Variants in CCDC15 observed in about 807,000 individuals in gnomAD.
The protein encoded by CCDC15 is coiled-coil domain containing 15, also known as coiled-coil domain-containing protein 15.
CCDC15 carries 105 observed loss-of-function variants against 114.5 expected under a neutral mutation model. That is an observed-to-expected ratio of 0.92 (90% CI 0.78 to 1.08). CCDC15 has a LOEUF of 1.08. Ranked by LOEUF, CCDC15 falls within the 50% of genes least tolerant of loss-of-function variation. The pLI is 0.00. For missense variants in CCDC15, 1,105 were observed against 1,093.6 expected (o/e 1.01, Z -0.15); for synonymous variants, 334 against 377.8 (o/e 0.88, Z 1.34).
intron 5 of CCDC15, 101 bp from the exon 6 acceptor site, chr11:124,977,377 C>T: frequency 1.7e-6 from 2 of 1,149,006 alleles, no homozygotes; most frequent in South Asian, 1.9e-5. Context: ...CTACCAAAAC[C>T]TACTAAGATA....
At chr11:125,000,174 T>C (rs1948454057) in intron 11 of CCDC15, among the ~76,000 whole-genome samples, 1 of 152,150 alleles carries the variant, frequency 6.6e-6, no homozygotes, top group African/African-American at 2.4e-5. Flanking sequence ...ATATTTCTAA[T>C]ATTGTATTTT....
intron 3 of CCDC15, 89 bp from the exon 4 acceptor site, chr11:124,959,726 T>TAAAAAAATAA: frequency 1.8e-6 from 1 of 541,876 alleles, no homozygotes; most frequent in Non-Finnish European, 2.8e-6. Flanking sequence ...CCACCCCAAT[T>TAAAAAAATAA]TAAAATCTTC....
chr11:124,987,665 T>TA lies in CCDC15; in HGVS notation c.1440dup (p.Ser481IlefsTer2). On this transcript the variant is annotated frameshift_variant, in exon 8 of 16. Coordinates refer to ENST00000344762, the MANE Select transcript of CCDC15 (RefSeq NM_025004.3). LOFTEE classifies it high-confidence loss of function. Reference sequence around the variant, plus strand: ...TTTCTACCTAAGGACCAGAATTTTTTATCTAGAGACCAGCATGTTCTCCCC... The same window carrying TA: ...TTTCTACCTAAGGACCAGAATTTTTTAATCTAGAGACCAGCATGTTCTCCCC... The TA allele has an allele frequency of 1.2e-6, 2 of 1,613,948 alleles. No homozygotes were observed. The highest frequency in any genetic ancestry group is 1.7e-6 in the Non-Finnish European group (2 of 1,179,872).
intron 11 of CCDC15, among the ~76,000 whole-genome samples, chr11:124,997,690 C>G (rs1164334759): frequency 6.6e-6 from 1 of 152,144 alleles, no homozygotes; most frequent in African/African-American, 2.4e-5. Flanking sequence ...GCCTATAATC[C>G]CAGCACTTTG....
intron 2 of CCDC15, among the ~76,000 whole-genome samples, chr11:124,958,286 A>G (rs1439038722): frequency 1.3e-5 from 2 of 152,170 alleles, no homozygotes; most frequent in Non-Finnish European, 2.9e-5. Flanking sequence ...GCCATGGGCC[A>G]CATGTGGCCC....
rs1006204350 is a variant in CCDC15, at chr11:124,967,928, A to C, written c.517-7168A>C. Reference sequence around the variant, plus strand: ...GTCTGTTGGAGTTTGCTGGAGGTCCACTCCAGATCCTGTTTGCCTGGGTAT... The same window carrying C: ...GTCTGTTGGAGTTTGCTGGAGGTCCCCTCCAGATCCTGTTTGCCTGGGTAT... On this transcript the variant is annotated intron_variant, in intron 4 of 15. Coordinates refer to ENST00000344762, the MANE Select transcript of CCDC15 (RefSeq NM_025004.3). Among the ~76,000 whole-genome samples, 4 of 152,070 alleles carry C rather than the reference A, an allele frequency of 2.6e-5. No individual in the cohort carries two copies. The East Asian group carries it at 7.7e-4, about 29-fold the overall frequency.
At chr11:125,025,047 T>TGA in intron 13 of CCDC15, among the ~76,000 whole-genome samples, 1 of 129,854 alleles carries the variant, frequency 7.7e-6, no homozygotes, top group Non-Finnish European at 1.6e-5. Context: ...TACATATGAA[T>TGA]ATATATGAAT....
Position 124,992,474 on chromosome 11 carries a change from C to G in CCDC15, c.2032-106C>G, listed in dbSNP as rs917954846. 1.4e-5 allele frequency: 9 copies of G among 663,554 alleles called. No homozygotes were observed. In the Admixed American group the frequency reaches 2.3e-4, roughly 17 times the overall value. 41.1% of individuals were successfully genotyped at this position (663,554 alleles called of 1,614,324 possible). ...ATCAAAACGTATCAGAATATTTTTA[C>G]CTGGTTTCATTTCTCTGGAGTTTTC... is the stretch of plus-strand genomic sequence containing the variant. On this transcript the variant is annotated intron_variant, in intron 9 of 15. Coordinates refer to ENST00000344762, the MANE Select transcript of CCDC15 (RefSeq NM_025004.3).
intron 13 of CCDC15, among the ~76,000 whole-genome samples, chr11:125,031,520 G>C (rs992728282): frequency 4.6e-5 from 7 of 152,186 alleles, no homozygotes; most frequent in African/African-American, 1.4e-4. Context: ...CCCACTTCAT[G>C]ATAGGCAGTT....
intron 13 of CCDC15, among the ~76,000 whole-genome samples, chr11:125,015,032 A>C (rs1207289455): frequency 1.3e-5 from 2 of 152,212 alleles, no homozygotes; most frequent in Non-Finnish European, 2.9e-5. Flanking sequence ...AAAAAATTAT[A>C]ATGGCAATTA....
rs1345528864 is a variant in CCDC15, at chr11:124,991,499, T to C, written c.1947T>C (p.Asp649=). 1 of 1,602,826 alleles carries C rather than the reference T, an allele frequency of 6.2e-7. No individual in the cohort carries two copies. Among genetic ancestry groups the C allele is most frequent in the Non-Finnish European group, 8.5e-7 (1 of 1,170,614 alleles). The change falls in exon 9 of 16, where the codon GAT becomes GAC. Residue 649 remains aspartate, a synonymous_variant. Transcript: ENST00000344762. ...AGGAGCCATACTCTGATATGACAGA[T>C]GAGAAAGGGAGAGAAGACTTTTCTC... ...HFKEPYSDMT[D]EKGREDFSLA...
intron 13 of CCDC15, among the ~76,000 whole-genome samples, chr11:125,036,255 T>G (rs561343204): frequency 2.4e-5 from 3 of 122,982 alleles, no homozygotes; most frequent in East Asian, 2.2e-4. Context: ...CATACTATTC[T>G]GCAATAAAAG....
chr11:124,982,938 T>C (rs889792488), intron 6 of CCDC15, among the ~76,000 whole-genome samples: 2 of 152,236 alleles, frequency 1.3e-5, no homozygotes, highest in Non-Finnish European at 2.9e-5. Context: ...CAATGAGTCA[T>C]AGATTTGGTC....
intron 6 of CCDC15, among the ~76,000 whole-genome samples, chr11:124,984,281 G>A (rs1280771693): frequency 5.9e-5 from 9 of 152,126 alleles, no homozygotes; most frequent in African/African-American, 2.2e-4. Flanking sequence ...GCTGGTTGGT[G>A]TGGTCTGCTG....
chr11:125,029,644 G>GCA (rs1948725388), intron 13 of CCDC15, among the ~76,000 whole-genome samples: 1 of 152,202 alleles, frequency 6.6e-6, no homozygotes, highest in African/African-American at 2.4e-5. Context: ...TGTGATTGTA[G>GCA]CTGGTATGAT....
At position 124,991,540 on chromosome 11, in the gene CCDC15, G is replaced by A. The variant is rs564789637; in HGVS notation, c.1988G>A (p.Cys663Tyr). ...REDFSLADYQ[C>Y]LPPKSQDQDD... Reference sequence around the variant, plus strand: ...GACTTTTCTCTGGCAGACTATCAGTGTTTGCCTCCCAAATCCCAGGACCAG... The same window carrying A: ...GACTTTTCTCTGGCAGACTATCAGTATTTGCCTCCCAAATCCCAGGACCAG... Residue 663 changes from cysteine to tyrosine, a missense_variant, in exon 9 of 16, where the codon TGT becomes TAT. Physicochemically the swap from Cys to Tyr is radical, Grantham distance 194. Transcript: ENST00000344762. 1.9e-6 allele frequency: 3 copies of A among 1,610,322 alleles called. No homozygotes were observed. The South Asian group carries it at 3.3e-5, about 18-fold the overall frequency.
intron 13 of CCDC15, among the ~76,000 whole-genome samples, chr11:125,025,091 T>G (rs1362051126): frequency 7.7e-6 from 1 of 130,076 alleles, no homozygotes; most frequent in Non-Finnish European, 1.6e-5. Flanking sequence ...TATGAATATA[T>G]ATATGAATAT....
intron 13 of CCDC15, among the ~76,000 whole-genome samples, chr11:125,010,569 C>T (rs1225784267): frequency 2.0e-5 from 3 of 152,094 alleles, no homozygotes; most frequent in African/African-American, 7.2e-5. Flanking sequence ...CCATGTGGGC[C>T]AGGCTGGTCT....
Position 125,038,578 on chromosome 11 carries a change from AC to A in CCDC15, c.2560del (p.Gln854AsnfsTer8). The A allele has an allele frequency of 6.4e-7, 1 of 1,571,902 alleles. No homozygotes were observed. ...LQEIKGTREK[Q>X]QREKEYLRYV... ...AAGAAATAAAAGGAACCAGAGAAAA[AC>A]AACAGAGAGAAAAAGAATACCTGAG... On this transcript the variant is annotated frameshift_variant, in exon 14 of 16. Coordinates refer to ENST00000344762, the MANE Select transcript of CCDC15 (RefSeq NM_025004.3). LOFTEE classifies it high-confidence loss of function.
Sources: allele counts gnomAD v4.1 joint callset (sites outside exome capture counted in the v4.1 genomes callset), GRCh38; gene constraint gnomAD v4.1.1; transcripts MANE v1.5; gene names NCBI Gene and HGNC (gene_info 2026-07-23, HGNC 2026-07-21).